SHROOM2: variants seen among roughly 807,000 people sequenced by gnomAD.
The protein encoded by SHROOM2 is shroom family member 2, also known as protein Shroom2.
Under a neutral mutation model 75.9 loss-of-function variants are expected in SHROOM2, and 33 were observed. The observed-to-expected ratio is 0.43, with a 90% confidence interval of 0.33 to 0.58. The LOEUF (loss-of-function observed/expected upper bound fraction) is 0.58, where lower values mean the gene tolerates loss of function less well. SHROOM2 is among the 20% of genes least tolerant of loss of function. The pLI, the probability that SHROOM2 is intolerant of heterozygous loss-of-function variation, is 0.04. For synonymous variants in SHROOM2, 655 were observed against 663.6 expected (o/e 0.99, Z 0.20); for missense variants, 1,434 against 1,461.2 (o/e 0.98, Z 0.30).
rs60600946 is a variant in SHROOM2, at chrX:9,936,422, T to A, written c.3588-712T>A. Among the ~76,000 whole-genome samples, 543 of 110,162 alleles carry A rather than the reference T, an allele frequency of 4.9e-3. 3 individuals are homozygous for A. The highest frequency in any genetic ancestry group is 0.016 in the African/African-American group (498 of 30,229). ...CCACCACATCTGGCTGACACTTTTT[T>A]AAAAAAAAAGCAAAACTGTGCCCTT... On this transcript the variant is annotated intron_variant, in intron 6 of 9. Coordinates refer to ENST00000380913, the MANE Select transcript of SHROOM2 (RefSeq NM_001649.4).
At chrX:9,911,666 T>C (rs1402329869) in intron 5 of SHROOM2, among the ~76,000 whole-genome samples, 1 of 111,190 alleles carries the variant, frequency 9.0e-6, no homozygotes, top group Non-Finnish European at 1.9e-5. Flanking sequence ...AATGGTTAAT[T>C]GGGAAAGTCA....
chrX:9,925,864 G>A lies in SHROOM2; in HGVS notation c.2892-6311G>A, dbSNP rs752565014. 8.9e-5 allele frequency among the ~76,000 whole-genome samples: 10 copies of A among 112,448 alleles called. No homozygotes were observed. In the South Asian group the frequency reaches 1.1e-3, roughly 12 times the overall value. ...TTCATTGTAAAAATGAGGCAGTGCC[G>A]TTGCCCAGAGCTCTCTTGGCACCTT... On this transcript the variant is annotated intron_variant, in intron 5 of 9. Transcript: ENST00000380913.
At chrX:9,911,853 A>T (rs2084429244) in intron 5 of SHROOM2, among the ~76,000 whole-genome samples, 1 of 110,984 alleles carries the variant, frequency 9.0e-6, no homozygotes, top group Non-Finnish European at 1.9e-5. Context: ...GTGGAGTTGA[A>T]CTGTGTGTCA....
intron 1 of SHROOM2, 24 bp downstream of exon 1, chrX:9,786,734 C>T (rs1475117610): frequency 5.7e-6 from 5 of 871,733 alleles, no homozygotes; most frequent in Non-Finnish European, 7.0e-6. Context: ...GGGGCGCGGG[C>T]GCTGACAGCC....
chrX:9,919,620 G>A (rs1390136936), intron 5 of SHROOM2, among the ~76,000 whole-genome samples: 10 of 110,078 alleles, frequency 9.1e-5, no homozygotes, highest in Non-Finnish European at 1.7e-4. Flanking sequence ...GTGAACCACC[G>A]CACCCGGCCC....
intron 5 of SHROOM2, among the ~76,000 whole-genome samples, chrX:9,914,804 G>A (rs1314920683): frequency 8.9e-6 from 1 of 112,121 alleles, no homozygotes; most frequent in Admixed American, 9.5e-5. Flanking sequence ...AGCCCTCGTG[G>A]GGCAGCATGG....
intron 1 of SHROOM2, among the ~76,000 whole-genome samples, chrX:9,872,563 CAAAAAAAAGAAAAAAGG>C (rs1476937944): frequency 9.3e-6 from 1 of 107,700 alleles, no homozygotes; most frequent in African/African-American, 3.4e-5. Context: ...GACTCTGTCT[CAAAAAAAAGAAAAAAGG>C]GAAAAAAAGC....
Position 9,894,530 on chromosome X carries a change from TC to T in SHROOM2, c.623del (p.Ser208TrpfsTer253). The T allele has an allele frequency of 8.3e-7, 1 of 1,211,202 alleles. No individual in the cohort carries two copies. The highest frequency in any genetic ancestry group is 1.1e-6 in the Non-Finnish European group (1 of 895,377). ...CCTGGGCAGCCACAGCAAGCGCGAC[TC>T]GGCCTACGGCTCCTTCTCCACCAGC... Reference protein sequence around the residue: ...DHLGSHSKRDSAYGSFSTSSS... With the variant: ...DHLGSHSKRDXAYGSFSTSSS... On this transcript the variant is annotated frameshift_variant, in exon 4 of 10. Transcript: ENST00000380913. LOFTEE classifies it high-confidence loss of function.
intron 1 of SHROOM2, among the ~76,000 whole-genome samples, chrX:9,800,764 C>G (rs1297576746): frequency 4.6e-5 from 5 of 108,382 alleles, no homozygotes; most frequent in African/African-American, 1.7e-4. Context: ...GATTCTACCC[C>G]CAACCCTTGC....
At chrX:9,884,369 T>TTC (rs1434033096) in intron 2 of SHROOM2, among the ~76,000 whole-genome samples, 825 of 63,153 alleles carry the variant, frequency 0.013, 8 homozygotes, top group African/African-American at 0.061. Context: ...TTTTCTTTTC[T>TTC]TTTTTTTTTT....
intron 1 of SHROOM2, among the ~76,000 whole-genome samples, chrX:9,804,033 G>A (rs1022246605): frequency 3.6e-5 from 4 of 111,702 alleles, no homozygotes; most frequent in Non-Finnish European, 7.5e-5. Context: ...TGGACTGGGT[G>A]GGTTAAGGAA....
chrX:9,821,569 GA>G (rs2083853343), intron 1 of SHROOM2, among the ~76,000 whole-genome samples: 1 of 111,680 alleles, frequency 9.0e-6, no homozygotes, highest in Non-Finnish European at 1.9e-5. Context: ...TGAAACCCAG[GA>G]ATTTCTGAAA....
chrX:9,896,228 C>T lies in SHROOM2; in HGVS notation c.2320C>T (p.Leu774Phe), dbSNP rs759517110. The stretch of plus-strand genomic sequence containing the variant: ...ACCTGAGAAGATGAACGAGGTGGGC[C>T]TCACGAGGGGCTACAGTCCTCACCA... ...SEPEKMNEVG[L>F]TRGYSPHQHP... Residue 774 changes from leucine to phenylalanine, a missense_variant, in exon 4 of 10, where the codon CTC becomes TTC. By Grantham distance (22) the Leu-to-Phe change is conservative. This residue lies in a region of SHROOM2 where 1,340 missense variants were observed against 1,338.3 expected (regional missense o/e 1.00). Coordinates refer to ENST00000380913, the MANE Select transcript of SHROOM2 (RefSeq NM_001649.4). The T allele has an allele frequency of 7.4e-6, 9 of 1,211,876 alleles. No individual in the cohort carries two copies. The South Asian group carries it at 1.4e-4, about 19-fold the overall frequency.
chrX:9,816,051 T>C (rs962854696), intron 1 of SHROOM2, among the ~76,000 whole-genome samples: 1 of 112,445 alleles, frequency 8.9e-6, no homozygotes, highest in Non-Finnish European at 1.9e-5. Flanking sequence ...GAATATGTGG[T>C]CATTTGTGTC....
intron 5 of SHROOM2, among the ~76,000 whole-genome samples, chrX:9,909,409 G>A (rs753711079): frequency 4.5e-4 from 51 of 112,774 alleles, no homozygotes; most frequent in Non-Finnish European, 6.9e-4. Context: ...CCCTTAAGGA[G>A]GTGGAGCATA....
At chrX:9,839,775 A>G (rs898445370) in intron 1 of SHROOM2, among the ~76,000 whole-genome samples, 2 of 111,851 alleles carry the variant, frequency 1.8e-5, no homozygotes, top group African/African-American at 6.5e-5. Flanking sequence ...TGTTAATATT[A>G]GAGGCTAGTT....
intron 1 of SHROOM2, among the ~76,000 whole-genome samples, chrX:9,853,204 A>G (rs1249913173): frequency 9.0e-6 from 1 of 111,578 alleles, no homozygotes; most frequent in Non-Finnish European, 1.9e-5. Context: ...TCCACCTGCC[A>G]GGACTCCGGG....
chrX:9,808,765 G>C (rs939571142), intron 1 of SHROOM2, among the ~76,000 whole-genome samples: 8 of 110,184 alleles, frequency 7.3e-5, no homozygotes, highest in African/African-American at 2.0e-4. Flanking sequence ...GGGAGGCTGA[G>C]GCAAGAGAAT....
chrX:9,923,723 A>T (rs10521605), intron 5 of SHROOM2, among the ~76,000 whole-genome samples: 6,685 of 112,138 alleles, frequency 0.06, 512 homozygotes, highest in African/African-American at 0.21. Context: ...TGCTGAAGAC[A>T]TACTCAGGGT....
Sources: allele counts gnomAD v4.1 joint callset (sites outside exome capture counted in the v4.1 genomes callset), GRCh38; gene constraint gnomAD v4.1.1; regional missense constraint gnomAD v4.1.1; transcripts MANE v1.5; gene names NCBI Gene and HGNC (gene_info 2026-07-23, HGNC 2026-07-21).